RARS2: variants seen among roughly 807,000 people sequenced by gnomAD.
The protein encoded by RARS2 is probable arginine--tRNA ligase, mitochondrial.
RARS2 carries 67 observed loss-of-function variants against 88.5 expected under a neutral mutation model. That is an observed-to-expected ratio of 0.76 (90% CI 0.62 to 0.93). RARS2 has a LOEUF of 0.93. RARS2 is among the 40% of genes least tolerant of loss of function. The probability of loss-of-function intolerance (pLI) is 0.00; values close to 1 mark genes in which losing one functional copy is unlikely to be tolerated. For missense variants in RARS2, 664 were observed against 684.2 expected (o/e 0.97, Z 0.33); for synonymous variants, 239 against 230.3 (o/e 1.04, Z -0.34).
At chr6:87,563,993 G>C (rs1433647561) in intron 3 of RARS2, 137 bp downstream of exon 3, 3 of 717,652 alleles carry the variant, frequency 4.2e-6, no homozygotes, top group Non-Finnish European at 4.8e-6. Flanking sequence ...TGGCTAAAAT[G>C]AATTTAAATT....
chr6:87,562,797 A>T lies in RARS2; in HGVS notation c.214-12T>A. On this transcript the variant is annotated splice_polypyrimidine_tract_variant and intron_variant, in intron 3 of 19. Transcript: ENST00000369536. Reference sequence around the variant, plus strand: ...GTATCACATCTTAGCTGAAAAGAACAAATCACACAAAGTAGGTATGTTATA... The same window carrying T: ...GTATCACATCTTAGCTGAAAAGAACTAATCACACAAAGTAGGTATGTTATA... 1 of 1,596,974 alleles carries T rather than the reference A, an allele frequency of 6.3e-7. No individual in the cohort carries two copies. Among genetic ancestry groups the T allele is most frequent in the African/African-American group, 1.3e-5 (1 of 74,650 alleles).
At chr6:87,515,193 G>GCCCT (rs1037841661) in intron 18 of RARS2, among the ~76,000 whole-genome samples, 173 bp from the exon 19 acceptor site, 4 of 152,120 alleles carry the variant, frequency 2.6e-5, no homozygotes, top group African/African-American at 7.2e-5. Context: ...TTAGATCTTG[G>GCCCT]CCCTATTCTA....
intron 12 of RARS2, among the ~76,000 whole-genome samples, 163 bp from the exon 13 acceptor site, chr6:87,520,419 A>G (rs1227249442): frequency 6.6e-6 from 1 of 152,190 alleles, no homozygotes; most frequent in African/African-American, 2.4e-5. Flanking sequence ...AAGAGTGTCT[A>G]AGTGGACTGC....
chr6:87,580,208 T>A (rs1017827577), intron 1 of RARS2, among the ~76,000 whole-genome samples: 28 of 152,150 alleles, frequency 1.8e-4, no homozygotes, highest in African/African-American at 6.5e-4. Context: ...TCCCTTCGGG[T>A]AGGGCTGTTT....
intron 5 of RARS2, among the ~76,000 whole-genome samples, chr6:87,550,861 T>A (rs1404997317): frequency 6.6e-6 from 1 of 151,406 alleles, no homozygotes; most frequent in Non-Finnish European, 1.5e-5. Flanking sequence ...ATAGTCTGTT[T>A]ACAAATGCAT....
intron 8 of RARS2, among the ~76,000 whole-genome samples, chr6:87,531,583 A>C (rs930238882): frequency 2.6e-5 from 4 of 152,174 alleles, no homozygotes; most frequent in Admixed American, 6.5e-5. Flanking sequence ...CTCTAAACTT[A>C]AGATCCTAAA....
At chr6:87,535,076 C>A (rs952248742) in intron 8 of RARS2, among the ~76,000 whole-genome samples, 2 of 152,042 alleles carry the variant, frequency 1.3e-5, no homozygotes, top group South Asian at 2.1e-4. Flanking sequence ...CTGACTCTTA[C>A]AAGTGATAGC....
At chr6:87,559,716 AT>A (rs1334606639) in intron 4 of RARS2, among the ~76,000 whole-genome samples, 1 of 152,048 alleles carries the variant, frequency 6.6e-6, no homozygotes, top group African/African-American at 2.4e-5. Flanking sequence ...AAGGAAAAAT[AT>A]TTTTTTATAA....
chr6:87,583,590 A>C (rs1582896870), intron 1 of RARS2, among the ~76,000 whole-genome samples: 1 of 46,226 alleles, frequency 2.2e-5, no homozygotes, highest in Non-Finnish European at 4.3e-5. Context: ...ACTGCGTCTC[A>C]AAAAAAAAAA....
intron 1 of RARS2, among the ~76,000 whole-genome samples, chr6:87,582,377 G>A (rs533402685): frequency 1.6e-4 from 24 of 151,906 alleles, no homozygotes; most frequent in African/African-American, 4.6e-4. Flanking sequence ...GCTTTTTTTC[G>A]AATGTTTGTG....
chr6:87,566,690 T>C (rs1767954459), intron 2 of RARS2, among the ~76,000 whole-genome samples: 1 of 151,244 alleles, frequency 6.6e-6, no homozygotes, highest in African/African-American at 2.4e-5. Flanking sequence ...ACAGAAAATT[T>C]AAAAAATTAG....
intron 1 of RARS2, among the ~76,000 whole-genome samples, chr6:87,573,982 G>C (rs1206210126): frequency 6.6e-6 from 1 of 152,178 alleles, no homozygotes; most frequent in Non-Finnish European, 1.5e-5. Flanking sequence ...AGAAGTCAGA[G>C]ATGAATTAAC....
chr6:87,563,157 CAG>C (rs1562214036), intron 3 of RARS2, among the ~76,000 whole-genome samples: 1 of 152,132 alleles, frequency 6.6e-6, no homozygotes, highest in African/African-American at 2.4e-5. Context: ...GACATTCTGT[CAG>C]GGTCTACGCT....
At chr6:87,576,477 C>T (rs1771598748) in intron 1 of RARS2, among the ~76,000 whole-genome samples, 1 of 112,642 alleles carries the variant, frequency 8.9e-6, no homozygotes, top group South Asian at 3.2e-4. Context: ...GGGGTTTCAC[C>T]GTGTTAGCCA....
chr6:87,519,598 T>C lies in RARS2; in HGVS notation c.1222A>G (p.Met408Val). 1 of 1,612,642 alleles carries C rather than the reference T, an allele frequency of 6.2e-7. No individual in the cohort carries two copies. Among genetic ancestry groups the C allele is most frequent in the South Asian group, 1.1e-5 (1 of 91,058 alleles). Reference protein sequence around the residue: ...NEIQLRMLQNMASIKTTKELK... With the variant: ...NEIQLRMLQNVASIKTTKELK... Reference sequence around the variant, plus strand: ...CTGAATTCACTCTTAATTGAAGCCATGTTCTGTAGCATCCTTAATTGAATC... The same window carrying C: ...CTGAATTCACTCTTAATTGAAGCCACGTTCTGTAGCATCCTTAATTGAATC... The change falls in exon 14 of 20, where the codon ATG becomes GTG. Residue 408 changes from methionine to valine, a missense_variant. Transcript: ENST00000369536.
intron 1 of RARS2, among the ~76,000 whole-genome samples, chr6:87,570,974 A>C (rs1769504561): frequency 2.0e-5 from 3 of 152,226 alleles, no homozygotes; most frequent in Non-Finnish European, 4.4e-5. Flanking sequence ...CAGGGAATTT[A>C]CTTAACTTGC....
rs1279189966 is a variant in RARS2 at position 87,567,057 on chromosome 6, G to T, written c.110+2460C>A. 7.2e-5 allele frequency among the ~76,000 whole-genome samples: 11 copies of T among 151,972 alleles called. No homozygotes were observed. The South Asian group carries it at 1.9e-3, about 26-fold the overall frequency. ...TCCCAAGGTCAGGAGTTTGAGACCA[G>T]CCTGGCCAACATGGTGAAACCCCGT... On this transcript the variant is annotated intron_variant, in intron 2 of 19. Transcript: ENST00000369536.
chr6:87,529,647 C>G lies in RARS2; in HGVS notation c.773G>C (p.Arg258Pro). Residue 258 changes from arginine (R) to proline (P), a missense_variant and splice_region_variant, in exon 10 of 20, where the codon CGT becomes CCT. Arg to Pro is a moderately radical substitution (Grantham distance 103, BLOSUM62 -2). Coordinates refer to ENST00000369536, the MANE Select transcript of RARS2 (RefSeq NM_020320.5). The stretch of plus-strand genomic sequence containing the variant: ...ATATTCATCAAAATATACTCCCAGA[C>G]GCTAAAAGAGTTCAGAAACAAAAAG... The part of the protein sequence containing the change: ...SIEEYIRVYK[R>P]LGVYFDEYSG... 6.3e-7 allele frequency: 1 copy of G among 1,588,768 alleles called. No homozygotes were observed. Among genetic ancestry groups the G allele is most frequent in the South Asian group, 1.1e-5 (1 of 90,536 alleles).
intron 1 of RARS2, among the ~76,000 whole-genome samples, chr6:87,571,587 G>C (rs1429503486): frequency 6.6e-6 from 1 of 152,032 alleles, no homozygotes; most frequent in African/African-American, 2.4e-5. Flanking sequence ...TGTAGAATTG[G>C]GAAAAAGAGA....
Sources: allele counts gnomAD v4.1 joint callset (sites outside exome capture counted in the v4.1 genomes callset), GRCh38; gene constraint gnomAD v4.1.1; transcripts MANE v1.5; gene names NCBI Gene and HGNC (gene_info 2026-07-23, HGNC 2026-07-21).